Variants in RGP1 observed in about 807,000 individuals in gnomAD.
The protein encoded by RGP1 is RAB6A-GEF complex partner protein 2.
In RGP1, 28 loss-of-function variants were observed where a neutral mutation model predicts 44.5. The ratio of observed to expected loss-of-function variants is 0.63; its 90% CI spans 0.47 to 0.86. RGP1 has a LOEUF of 0.86. RGP1 is among the 40% of genes least tolerant of loss of function. RGP1 has a pLI of 0.00. For synonymous variants in RGP1, 212 were observed against 196.7 expected (o/e 1.08, Z -0.65); for missense variants, 417 against 490.7 (o/e 0.85, Z 1.42).
At chr9:35,776,432 C>T in the RGP1 span, among the ~76,000 whole-genome samples, 15 of 151,798 alleles carry the variant, frequency 9.9e-5, no homozygotes, top group East Asian at 1.8e-3. Flanking sequence ...GAATTACGGG[C>T]GTCTGCACCA....
At chr9:35,774,980 T>C in the RGP1 span, among the ~76,000 whole-genome samples, 1 of 152,068 alleles carries the variant, frequency 6.6e-6, no homozygotes, top group African/African-American at 2.4e-5. Context: ...ATAATACCCT[T>C]TTCTCTCTGT....
In RGP1 at chr9:35,753,943, A is replaced by G. The variant is rs969094600; in HGVS notation, c.*1069A>G. The G allele has an allele frequency of 5.3e-5, 83 of 1,580,058 alleles. No homozygotes were observed. The African/African-American group carries it at 8.6e-4, about 16-fold the overall frequency. On this transcript the variant is annotated 3_prime_UTR_variant, in exon 9 of 9. Coordinates refer to ENST00000378078, the MANE Select transcript of RGP1 (RefSeq NM_001080496.3). This position sits in a 1 kb window ranked among gnomAD's most constrained non-coding sequence, Gnocchi z 4.2. ...GACACGGGATCATCTGTAAGGCCCCATCCTCCCTGTGCCCTCTCTGCTGCT... is the reference window on the plus strand; with the variant it reads ...GACACGGGATCATCTGTAAGGCCCCGTCCTCCCTGTGCCCTCTCTGCTGCT...
the RGP1 span, among the ~76,000 whole-genome samples, chr9:35,778,288 G>A: frequency 6.6e-6 from 1 of 152,100 alleles, no homozygotes; most frequent in African/African-American, 2.4e-5. Flanking sequence ...GGCAACAAGA[G>A]CGAAATTCTG....
At chr9:35,751,906 C>A (rs1229338185) in intron 7 of RGP1, 50 bp from the exon 8 acceptor site, 7 of 1,553,282 alleles carry the variant, frequency 4.5e-6, no homozygotes, top group Non-Finnish European at 6.1e-6. Context: ...GCTGTCCTCT[C>A]ACCTACAGAC....
At chr9:35,775,406 T>C in the RGP1 span, among the ~76,000 whole-genome samples, 23 of 152,104 alleles carry the variant, frequency 1.5e-4, no homozygotes, top group South Asian at 4.4e-3. Flanking sequence ...AGCCGGAACT[T>C]TGGGGGCCTG....
At chr9:35,764,401 C>T in the RGP1 span, among the ~76,000 whole-genome samples, 1 of 152,198 alleles carries the variant, frequency 6.6e-6, no homozygotes, top group Non-Finnish European at 1.5e-5. Flanking sequence ...CAAGGATAAC[C>T]TTATATTACT....
downstream of RGP1, among the ~76,000 whole-genome samples, chr9:35,762,979 C>T (rs1055258073): frequency 3.9e-5 from 6 of 152,098 alleles, no homozygotes; most frequent in African/African-American, 1.4e-4. Context: ...AATTTCAGAG[C>T]TGGGATTCAA....
intron 8 of RGP1, 110 bp from the exon 9 acceptor site, chr9:35,752,541 T>A: frequency 2.0e-6 from 2 of 996,130 alleles, no homozygotes; most frequent in Non-Finnish European, 3.0e-6. Flanking sequence ...GACTTTTCCC[T>A]GTCTTCCTGA....
the RGP1 span, among the ~76,000 whole-genome samples, chr9:35,789,984 C>A: frequency 7.2e-5 from 11 of 152,184 alleles, no homozygotes; most frequent in Non-Finnish European, 1.6e-4. Flanking sequence ...TTAGCCCTGC[C>A]ATTCTGTAAT....
In RGP1 at chr9:35,754,000, C is replaced by T; in HGVS notation, c.*1126C>T. 6.2e-7 allele frequency: 1 copy of T among 1,612,630 alleles called. No individual in the cohort carries two copies. The highest frequency in any genetic ancestry group is 8.5e-7 in the Non-Finnish European group (1 of 1,179,054). Reference sequence around the variant, plus strand: ...TTCCTAACGCTTCACCCCACTTTACCTTGAGCTTGGAAGTAGCACTTGCTG... The same window carrying T: ...TTCCTAACGCTTCACCCCACTTTACTTTGAGCTTGGAAGTAGCACTTGCTG... On this transcript the variant is annotated 3_prime_UTR_variant, in exon 9 of 9. Transcript: ENST00000378078. This position sits in a 1 kb window ranked among gnomAD's most constrained non-coding sequence, Gnocchi z 4.2.
At chr9:35,780,717 AAAACAAACAAAC>A in the RGP1 span, 1 of 152,208 alleles carries the variant, frequency 6.6e-6, no homozygotes, top group East Asian at 1.9e-4. Context: ...CCAAAAATAC[AAAACAAACAAAC>A]AAACAAACAA....
chr9:35,779,397 A>G, the RGP1 span, among the ~76,000 whole-genome samples: 1 of 152,238 alleles, frequency 6.6e-6, no homozygotes. Flanking sequence ...TGGTTAAACT[A>G]TCTGTTTAGA....
the RGP1 span, among the ~76,000 whole-genome samples, chr9:35,773,634 T>A: frequency 6.6e-6 from 1 of 151,922 alleles, no homozygotes; most frequent in Non-Finnish European, 1.5e-5. Flanking sequence ...CCCAAGTAGC[T>A]GTGACTACAG....
Position 35,749,336 on chromosome 9 carries a change from G to A in RGP1, c.-92G>A, listed in dbSNP as rs1436198584. The A allele has an allele frequency of 3.8e-6, 2 of 532,954 alleles. No individual in the cohort carries two copies. Among genetic ancestry groups the A allele is most frequent in the Admixed American group, 3.9e-5 (2 of 50,902 alleles). The allele number at this position is 532,954 out of a possible 1,614,324, so 33.0% of individuals were successfully genotyped here. On this transcript the variant is annotated 5_prime_UTR_variant, in exon 1 of 9. Coordinates refer to ENST00000378078, the MANE Select transcript of RGP1 (RefSeq NM_001080496.3). The surrounding 1 kb of genome is among the most constrained non-coding windows in gnomAD (Gnocchi z 4.4). The stretch of plus-strand genomic sequence containing the variant: ...ACGCCGCCGCCGCCGCCGCCGCCGC[G>A]TACCTAGCCAGGTCCCTGAGGGGCG...
the RGP1 span, among the ~76,000 whole-genome samples, chr9:35,775,481 AAGAGATAGTCTGGCTTCTCTCGTTC>A: frequency 3.0e-4 from 45 of 152,248 alleles, no homozygotes; most frequent in African/African-American, 1.1e-3. Flanking sequence ...AGAGAAGGGG[AAGAGATAGTCTGGCTTCTCTCGTTC>A]AGTTTTCTGC....
chr9:35,789,174 C>T, the RGP1 span, among the ~76,000 whole-genome samples: 44,793 of 151,346 alleles, frequency 0.3, 8,253 homozygotes, highest in African/African-American at 0.52. Flanking sequence ...CCCACCACCA[C>T]GCCCAGCTAA....
chr9:35,770,274 T>C, the RGP1 span, among the ~76,000 whole-genome samples: 1 of 152,204 alleles, frequency 6.6e-6, no homozygotes, highest in South Asian at 2.1e-4. Context: ...GATGATAGTG[T>C]CCTTTGCTGA....
the RGP1 span, among the ~76,000 whole-genome samples, chr9:35,768,362 G>A: frequency 0.04 from 6,064 of 152,170 alleles, 389 homozygotes; most frequent in African/African-American, 0.14. Context: ...GTGCCTGGCC[G>A]TGGACAGGTT....
Position 35,753,210 on chromosome 9 carries a change from A to G in RGP1, c.*336A>G, listed in dbSNP as rs893758332. On this transcript the variant is annotated 3_prime_UTR_variant, in exon 9 of 9. Transcript: ENST00000378078. This position sits in a 1 kb window ranked among gnomAD's most constrained non-coding sequence, Gnocchi z 4.2. ...AGCCGAGGGTCAGATTTTTGCACCA[A>G]GGAGAACTGGCAGGTTCCTGCCTCC... 1 of 1,614,176 alleles carries G rather than the reference A, an allele frequency of 6.2e-7. No homozygotes were observed. The highest frequency in any genetic ancestry group is 1.3e-5 in the African/African-American group (1 of 75,048).
Sources: allele counts gnomAD v4.1 joint callset (sites outside exome capture counted in the v4.1 genomes callset), GRCh38; gene constraint gnomAD v4.1.1; non-coding constraint Gnocchi (gnomAD v3.1); transcripts MANE v1.5; gene names NCBI Gene and HGNC (gene_info 2026-07-23, HGNC 2026-07-21).